PTPRN2: variants seen among roughly 807,000 people sequenced by gnomAD.
PTPRN2 encodes the protein receptor-type tyrosine-protein phosphatase N2.
Under a neutral mutation model 118.8 loss-of-function variants are expected in PTPRN2, and 74 were observed. The ratio of observed to expected loss-of-function variants is 0.62; its 90% CI spans 0.52 to 0.76. The LOEUF is 0.76. Among genes scored for constraint, PTPRN2 ranks in the 30% least tolerant of loss-of-function variants. The pLI, the probability that PTPRN2 is intolerant of heterozygous loss-of-function variation, is 0.00. For synonymous variants in PTPRN2, 641 were observed against 608.0 expected (o/e 1.05, Z -0.80); for missense variants, 1,481 against 1,394.4 (o/e 1.06, Z -0.99).
At chr7:158,407,787 C>T (rs549915623) in intron 2 of PTPRN2, among the ~76,000 whole-genome samples, 25 of 152,318 alleles carry the variant, frequency 1.6e-4, no homozygotes, top group African/African-American at 5.8e-4. Flanking sequence ...ACCTGGAATC[C>T]GTCCTTGCCA....
At chr7:157,657,469 T>A (rs1186127335) in intron 13 of PTPRN2, among the ~76,000 whole-genome samples, 3 of 34,044 alleles carry the variant, frequency 8.8e-5, no homozygotes, top group Admixed American at 3.9e-4. Context: ...TACACACACA[T>A]ACACCACACA....
intron 1 of PTPRN2, among the ~76,000 whole-genome samples, chr7:158,491,984 C>T (rs1324250098): frequency 6.6e-6 from 1 of 152,156 alleles, no homozygotes; most frequent in African/African-American, 2.4e-5. Flanking sequence ...GACACCACTC[C>T]CCACAAAAGC....
At chr7:158,108,299 C>T (rs189542075) in intron 10 of PTPRN2, among the ~76,000 whole-genome samples, 173 of 152,148 alleles carry the variant, frequency 1.1e-3, no homozygotes, top group African/African-American at 3.8e-3. Flanking sequence ...CCACCACACC[C>T]GCCTTGCACC....
rs547342623 is a variant in PTPRN2 at position 157,929,457 on chromosome 7, G to A, written c.1724-30720C>T. ...CCTTTTAGGAGGAAGCCACCGGATC[G>A]TTTCCCATGCTTAAGCTCAGACGCC... On this transcript the variant is annotated intron_variant, in intron 11 of 22. Coordinates refer to ENST00000389418, the MANE Select transcript of PTPRN2 (RefSeq NM_002847.5). The surrounding 1 kb of genome is among the most constrained non-coding windows in gnomAD (Gnocchi z 4.4). Among the ~76,000 whole-genome samples, 29 of 152,172 alleles carry A rather than the reference G, an allele frequency of 1.9e-4. No homozygotes were observed. Among genetic ancestry groups the A allele is most frequent in the African/African-American group, 6.7e-4 (28 of 41,504 alleles).
chr7:157,540,875 G>T, intron 22 of PTPRN2, 90 bp from the exon 23 acceptor site: 1 of 1,087,572 alleles, frequency 9.2e-7, no homozygotes, highest in Non-Finnish European at 1.3e-6. Flanking sequence ...TGAAAGCGGC[G>T]TCCCCCCTTC....
At chr7:157,769,233 C>A (rs965213282) in intron 12 of PTPRN2, among the ~76,000 whole-genome samples, 1 of 152,098 alleles carries the variant, frequency 6.6e-6, no homozygotes, top group African/African-American at 2.4e-5. Context: ...CAACACATGC[C>A]GGTGATTTAT....
At chr7:158,130,894 G>A (rs989769637) in intron 9 of PTPRN2, among the ~76,000 whole-genome samples, 2 of 116,452 alleles carry the variant, frequency 1.7e-5, no homozygotes, top group Admixed American at 8.9e-5. Flanking sequence ...CGCACAAACC[G>A]ATACACATCT....
chr7:158,541,419 C>A, intron 1 of PTPRN2: 1 of 1,343,244 alleles, frequency 7.4e-7, no homozygotes, highest in Non-Finnish European at 9.8e-7. Context: ...TTATTCCACC[C>A]GGTTACCTGC....
chr7:157,737,033 A>C (rs1201264516), intron 12 of PTPRN2, among the ~76,000 whole-genome samples: 1 of 152,320 alleles, frequency 6.6e-6, no homozygotes, highest in East Asian at 1.9e-4. Context: ...GCATCTTCTC[A>C]GTAAGAAGAA....
intron 22 of PTPRN2, among the ~76,000 whole-genome samples, chr7:157,542,124 C>T (rs1798042140): frequency 1.3e-5 from 2 of 152,200 alleles, no homozygotes; most frequent in African/African-American, 2.4e-5. Context: ...GGAGCTGCCC[C>T]TGTGGGGGCA....
intron 3 of PTPRN2, among the ~76,000 whole-genome samples, chr7:158,302,025 C>A (rs888372994): frequency 2.6e-5 from 4 of 152,122 alleles, no homozygotes; most frequent in African/African-American, 9.7e-5. Context: ...CAAGACAGAC[C>A]ATTACTCTAG....
intron 1 of PTPRN2, among the ~76,000 whole-genome samples, chr7:158,536,315 G>T (rs904524289): frequency 6.6e-6 from 1 of 152,184 alleles, no homozygotes; most frequent in Non-Finnish European, 1.5e-5. Context: ...ACTTGATGAT[G>T]TTTTCAAGAA....
intron 6 of PTPRN2, among the ~76,000 whole-genome samples, chr7:158,139,343 T>C (rs1382296463): frequency 6.6e-6 from 1 of 152,100 alleles, no homozygotes; most frequent in Admixed American, 6.6e-5. Flanking sequence ...AAAATTTATG[T>C]CCATTACGGG....
intron 11 of PTPRN2, among the ~76,000 whole-genome samples, chr7:157,967,842 G>T (rs1014967057): frequency 1.3e-5 from 2 of 152,210 alleles, no homozygotes; most frequent in Non-Finnish European, 2.9e-5. Flanking sequence ...CAGGGAGAAG[G>T]GGTCTGGGCA....
intron 3 of PTPRN2, among the ~76,000 whole-genome samples, chr7:158,219,337 A>G (rs531438640): frequency 6.6e-6 from 1 of 152,340 alleles, no homozygotes; most frequent in Admixed American, 6.5e-5. Context: ...GAATGAAATT[A>G]ATGCAGAAAT....
At chr7:158,235,844 A>G (rs1259706394) in intron 3 of PTPRN2, among the ~76,000 whole-genome samples, 1 of 152,184 alleles carries the variant, frequency 6.6e-6, no homozygotes, top group Non-Finnish European at 1.5e-5. Flanking sequence ...TATCACATGT[A>G]CCCTGAAAAT....
chr7:158,163,300 C>T (rs970944859), intron 6 of PTPRN2, among the ~76,000 whole-genome samples: 9 of 151,388 alleles, frequency 5.9e-5, no homozygotes, highest in African/African-American at 2.2e-4. Context: ...CTGTGTGTTT[C>T]ATAGGTGATA....
At chr7:158,396,466 T>C (rs1364143361) in intron 2 of PTPRN2, among the ~76,000 whole-genome samples, 1 of 150,660 alleles carries the variant, frequency 6.6e-6, no homozygotes, top group Non-Finnish European at 1.5e-5. Flanking sequence ...CGCGTGTACA[T>C]GCATGTGATT....
intron 2 of PTPRN2, among the ~76,000 whole-genome samples, chr7:158,379,415 G>T (rs1810789266): frequency 2.6e-5 from 4 of 152,056 alleles, no homozygotes; most frequent in Admixed American, 2.6e-4. Context: ...AGGAAGGGTG[G>T]GACAAAGAGC....
Sources: allele counts gnomAD v4.1 joint callset (sites outside exome capture counted in the v4.1 genomes callset), GRCh38; gene constraint gnomAD v4.1.1; non-coding constraint Gnocchi (gnomAD v3.1); transcripts MANE v1.5; gene names NCBI Gene and HGNC (gene_info 2026-07-23, HGNC 2026-07-21).